Variants in DOK5 observed in about 807,000 individuals in gnomAD.
DOK5 encodes docking protein 5, also known as downstream of tyrosine kinase 5.
In DOK5, 27 loss-of-function variants were observed where a neutral mutation model predicts 43.3. That is an observed-to-expected ratio of 0.62 (90% CI 0.46 to 0.86). The LOEUF (loss-of-function observed/expected upper bound fraction) is 0.86, where lower values mean the gene tolerates loss of function less well. Among genes scored for constraint, DOK5 ranks in the 40% least tolerant of loss-of-function variants. The pLI, the probability that DOK5 is intolerant of heterozygous loss-of-function variation, is 0.00. For synonymous variants in DOK5, 146 were observed against 140.1 expected (o/e 1.04, Z -0.30); for missense variants, 373 against 392.9 (o/e 0.95, Z 0.43).
At chr20:54,616,138 C>T (rs867504447) in intron 6 of DOK5, among the ~76,000 whole-genome samples, 15 of 152,160 alleles carry the variant, frequency 9.9e-5, no homozygotes, top group African/African-American at 3.6e-4. Context: ...TGCTCTGTAA[C>T]AGACAATGTG....
At chr20:54,569,245 A>G (rs1985205700) in intron 2 of DOK5, among the ~76,000 whole-genome samples, 1 of 152,200 alleles carries the variant, frequency 6.6e-6, no homozygotes, top group South Asian at 2.1e-4. Context: ...CGTAAATTAT[A>G]GTGGCAGTTC....
chr20:54,574,995 C>T (rs145590145), intron 2 of DOK5, among the ~76,000 whole-genome samples: 142 of 152,266 alleles, frequency 9.3e-4, no homozygotes, highest in Non-Finnish European at 1.5e-3. Flanking sequence ...GAAGCGATGC[C>T]ATGTGAAGTC....
intron 1 of DOK5, among the ~76,000 whole-genome samples, chr20:54,496,367 T>A (rs1982391486): frequency 6.6e-6 from 1 of 152,212 alleles, no homozygotes. Context: ...ATTAAAAATG[T>A]TTCCTACTAT....
At chr20:54,543,271 T>A (rs767025513) in intron 1 of DOK5, among the ~76,000 whole-genome samples, 2 of 119,510 alleles carry the variant, frequency 1.7e-5, no homozygotes, top group Non-Finnish European at 3.2e-5. Context: ...CATTTATATA[T>A]CCCGAATGAT....
At chr20:54,492,081 A>G (rs1045306611) in intron 1 of DOK5, among the ~76,000 whole-genome samples, 1 of 151,872 alleles carries the variant, frequency 6.6e-6, no homozygotes, top group Non-Finnish European at 1.5e-5. Flanking sequence ...TTCATATGTC[A>G]TATATATAAA....
intron 1 of DOK5, among the ~76,000 whole-genome samples, chr20:54,526,567 G>A (rs1983582638): frequency 6.6e-6 from 1 of 152,164 alleles, no homozygotes; most frequent in Admixed American, 6.5e-5. Context: ...TGAACCAAGT[G>A]AGTACTTGGC....
At position 54,475,911 on chromosome 20, in the gene DOK5, G is replaced by C; in HGVS notation, c.-36G>C. ...CTCCCCAGAGCCACTTCGGGTGCGCGCTCTTGGGTAAAGGGGGGGTCACCG... is the reference window on the plus strand; with the variant it reads ...CTCCCCAGAGCCACTTCGGGTGCGCCCTCTTGGGTAAAGGGGGGGTCACCG... On this transcript the variant is annotated 5_prime_UTR_variant, in exon 1 of 8. Transcript: ENST00000262593. The surrounding 1 kb of genome is among the most constrained non-coding windows in gnomAD (Gnocchi z 4.2). 1 of 1,609,084 alleles carries C rather than the reference G, an allele frequency of 6.2e-7. No homozygotes were observed. The highest frequency in any genetic ancestry group is 8.5e-7 in the Non-Finnish European group (1 of 1,178,764).
intron 1 of DOK5, among the ~76,000 whole-genome samples, chr20:54,551,530 C>A (rs941014694): frequency 1.3e-5 from 2 of 152,094 alleles, no homozygotes; most frequent in African/African-American, 4.8e-5. Flanking sequence ...TAAGTTTTAT[C>A]ATTTTATTTA....
At chr20:54,549,446 A>G (rs1361010089) in intron 1 of DOK5, among the ~76,000 whole-genome samples, 1 of 152,238 alleles carries the variant, frequency 6.6e-6, no homozygotes, top group Non-Finnish European at 1.5e-5. Flanking sequence ...CTGCCTGTTC[A>G]TAAACCAAAT....
At chr20:54,616,316 C>T (rs993089908) in intron 6 of DOK5, among the ~76,000 whole-genome samples, 1 of 152,154 alleles carries the variant, frequency 6.6e-6, no homozygotes, top group Non-Finnish European at 1.5e-5. Context: ...TTTTCTTTAT[C>T]CTACATGAGA....
intron 6 of DOK5, among the ~76,000 whole-genome samples, chr20:54,631,256 T>C (rs1019215716): frequency 8.6e-5 from 13 of 151,960 alleles, no homozygotes; most frequent in African/African-American, 3.1e-4. Context: ...CTACAAAAAA[T>C]ACAAAAATTA....
intron 5 of DOK5, among the ~76,000 whole-genome samples, chr20:54,595,257 G>A (rs1182620060): frequency 6.6e-6 from 1 of 152,052 alleles, no homozygotes. Flanking sequence ...AGGAGAATGC[G>A]TGAACCCGGG....
chr20:54,488,823 A>G (rs939378077), intron 1 of DOK5, among the ~76,000 whole-genome samples: 3 of 101,768 alleles, frequency 2.9e-5, no homozygotes, highest in Non-Finnish European at 5.7e-5. Context: ...CCTTCCTTTT[A>G]TTATTAAATA....
chr20:54,516,987 T>C (rs1014066943), intron 1 of DOK5, among the ~76,000 whole-genome samples: 5 of 152,260 alleles, frequency 3.3e-5, no homozygotes, highest in African/African-American at 1.2e-4. Context: ...AAAGCCATGC[T>C]TATTGCTTTT....
intron 6 of DOK5, among the ~76,000 whole-genome samples, chr20:54,611,530 C>T (rs1346832723): frequency 6.6e-6 from 1 of 151,972 alleles, no homozygotes; most frequent in Non-Finnish European, 1.5e-5. Flanking sequence ...CACTGCACTT[C>T]AGCCTGAGTG....
chr20:54,533,606 C>A (rs1983854563), intron 1 of DOK5, among the ~76,000 whole-genome samples: 2 of 152,140 alleles, frequency 1.3e-5, no homozygotes, highest in Admixed American at 1.3e-4. Flanking sequence ...GTAAGTTCTG[C>A]ACTACCATTA....
chr20:54,496,640 C>CCTGTAGT, intron 1 of DOK5, among the ~76,000 whole-genome samples: 1 of 151,958 alleles, frequency 6.6e-6, no homozygotes. Flanking sequence ...GTGGCAGGCG[C>CCTGTAGT]CTGTAGTCCC....
intron 2 of DOK5, among the ~76,000 whole-genome samples, chr20:54,575,835 C>A (rs1239199829): frequency 6.6e-6 from 1 of 152,312 alleles, no homozygotes; most frequent in East Asian, 1.9e-4. Flanking sequence ...CATGCACATG[C>A]ATGTGAACAC....
intron 1 of DOK5, among the ~76,000 whole-genome samples, chr20:54,490,839 C>T (rs1245152998): frequency 4.6e-5 from 7 of 151,774 alleles, no homozygotes; most frequent in East Asian, 3.9e-4. Flanking sequence ...CCGCCCACCA[C>T]GGCCTCCCAA....
Sources: allele counts gnomAD v4.1 joint callset (sites outside exome capture counted in the v4.1 genomes callset), GRCh38; gene constraint gnomAD v4.1.1; non-coding constraint Gnocchi (gnomAD v3.1); transcripts MANE v1.5; gene names NCBI Gene and HGNC (gene_info 2026-07-23, HGNC 2026-07-21).